The following NR4A1 variants were observed in gnomAD, a reference collection of about 807,000 sequenced individuals.
NR4A1 encodes the protein nuclear receptor subfamily 4immunitygroup A member 1.
A neutral mutation model predicts 47.5 loss-of-function variants in NR4A1; 24 were observed. The ratio of observed to expected loss-of-function variants is 0.50; its 90% CI spans 0.37 to 0.71. The LOEUF (loss-of-function observed/expected upper bound fraction) is 0.71, where lower values mean the gene tolerates loss of function less well. Ranked by LOEUF, NR4A1 falls within the 30% of genes least tolerant of loss-of-function variation. NR4A1 has a pLI of 0.00. For missense variants in NR4A1, 669 were observed against 788.6 expected, an observed-to-expected ratio of 0.85 and a Z score of 1.82; for synonymous variants, 353 against 345.7, an observed-to-expected ratio of 1.02 and a Z score of -0.24.
At position 52,030,701 on chromosome 12, in the gene NR4A1, T is replaced by C. The variant is rs911541784; in HGVS notation, c.-84+7762T>C. On this transcript the variant is annotated intron_variant, in intron 1 of 7. Transcript: ENST00000360284. ...GCCTTGGCCTCCCAAAGTGCTGGGA[T>C]TACAGGCGCGAGCCACCACACCTGG... Among the ~76,000 whole-genome samples, 48 of 152,198 alleles carry C rather than the reference T, an allele frequency of 3.2e-4. 1 individual carries two copies. Among genetic ancestry groups the C allele is most frequent in the African/African-American group, 1.1e-3 (45 of 41,444 alleles).
At chr12:52,039,363 G>T (rs1938355033) in intron 1 of NR4A1, among the ~76,000 whole-genome samples, 1 of 152,228 alleles carries the variant, frequency 6.6e-6, no homozygotes, top group Non-Finnish European at 1.5e-5. Flanking sequence ...GTTGCAAGGG[G>T]CAGTTTATTA....
At chr12:52,057,026 G>A (rs1306888902) in intron 4 of NR4A1, 31 bp from the exon 5 acceptor site, 1 of 1,554,500 alleles carries the variant, frequency 6.4e-7, no homozygotes, top group South Asian at 1.2e-5. Context: ...AGCCTGCCTG[G>A]GGTGCTGACC....
chr12:52,048,133 G>C (rs749142897), upstream of NR4A1, among the ~76,000 whole-genome samples: 48 of 151,450 alleles, frequency 3.2e-4, 1 homozygote, highest in African/African-American at 1.1e-3. Context: ...TAGCCTGGGC[G>C]ACAGCACCAT....
chr12:52,043,657 C>T, intron 2 of NR4A1: 5 of 1,187,932 alleles, frequency 4.2e-6, no homozygotes, highest in Non-Finnish European at 5.3e-6. Flanking sequence ...CTCCCCCCAT[C>T]CCCAGAGGCC....
rs775895244 is a variant in NR4A1, at chr12:52,054,811, C to T, written c.483C>T (p.Phe161=). 6.2e-7 allele frequency: 1 copy of T among 1,613,386 alleles called. No individual in the cohort carries two copies. Among genetic ancestry groups the T allele is most frequent in the East Asian group, 2.2e-5 (1 of 44,894 alleles). The change falls in exon 2 of 7, where the codon TTC becomes TTT. Residue 161 remains phenylalanine, a synonymous_variant. Transcript: ENST00000394825. ...CCTGGGATGGCTCCTTCGGCCACTT[C>T]TCGCCCAGCCAGACTTACGAAGGCC... The part of the protein sequence containing the change: ...LSPWDGSFGH[F]SPSQTYEGLR...
At chr12:52,056,196 A>G (rs757117575) in intron 3 of NR4A1, 37 bp downstream of exon 3, 1 of 1,557,098 alleles carries the variant, frequency 6.4e-7, no homozygotes, top group East Asian at 2.3e-5. Flanking sequence ...GGGCAAGGGT[A>G]GGCTTGAGTG....
chr12:52,031,976 A>G (rs1469617836), intron 1 of NR4A1, among the ~76,000 whole-genome samples: 2 of 151,984 alleles, frequency 1.3e-5, no homozygotes, highest in East Asian at 3.9e-4. Flanking sequence ...TTGTATTTTT[A>G]GTAGAGACGG....
At position 52,035,207 on chromosome 12, in the gene NR4A1, A is replaced by G. The variant is rs77532520; in HGVS notation, c.-83-6603A>G. Among the ~76,000 whole-genome samples the G allele has an allele frequency of 5.2e-3, 788 of 152,256 alleles. 12 individuals carry two copies. Among genetic ancestry groups the G allele is most frequent in the African/African-American group, 0.018 (737 of 41,540 alleles). ...ACCTCTAGAGACTGCTTCTTCCACC[A>G]TCTCACGCCGCCTCCACATGCCACC... On this transcript the variant is annotated intron_variant, in intron 1 of 7. Transcript: ENST00000360284.
At chr12:52,055,354 C>T in intron 2 of NR4A1, 150 bp downstream of exon 2, 1 of 970,504 alleles carries the variant, frequency 1.0e-6, no homozygotes, top group Non-Finnish European at 1.5e-6. Flanking sequence ...GGCCGCCTTC[C>T]TGGAGACCCG....
In NR4A1 at chr12:52,054,737, T is replaced by C. The variant is rs759966232; in HGVS notation, c.409T>C (p.Ser137Pro). ...CTCTGACTACTATGGCAGCCCCTGCTCGGCCCCGTCGCCCTCCACGCCCAG... is the reference window on the plus strand; with the variant it reads ...CTCTGACTACTATGGCAGCCCCTGCCCGGCCCCGTCGCCCTCCACGCCCAG... The part of the protein sequence containing the change: ...SGSDYYGSPC[S>P]APSPSTPSFQ... Residue 137 changes from serine to proline, a missense_variant, in exon 2 of 7, where the codon TCG (serine) becomes CCG (proline). Physicochemically the swap from Ser to Pro is moderately conservative, Grantham distance 74. Coordinates refer to ENST00000394825, the MANE Select transcript of NR4A1 (RefSeq NM_173157.3). The C allele has an allele frequency of 5.0e-6, 8 of 1,612,756 alleles. No individual in the cohort carries two copies. In the South Asian group the frequency reaches 8.8e-5, roughly 18 times the overall value.
chr12:52,029,941 G>A (rs970847169), intron 1 of NR4A1, among the ~76,000 whole-genome samples: 5 of 152,352 alleles, frequency 3.3e-5, no homozygotes, highest in Admixed American at 1.3e-4. Context: ...GGCTGCCCCA[G>A]TGGCCAGCCC....
chr12:52,028,189 G>A (rs1231251321), intron 1 of NR4A1, among the ~76,000 whole-genome samples: 3 of 104,938 alleles, frequency 2.9e-5, no homozygotes, highest in African/African-American at 1.1e-4. Context: ...GTGACAAAGT[G>A]AGACCCTGTC....
At chr12:52,057,690 T>C (rs138663199) in intron 6 of NR4A1, among the ~76,000 whole-genome samples, 160 bp downstream of exon 6, 305 of 152,262 alleles carry the variant, frequency 2.0e-3, no homozygotes, top group African/African-American at 7.0e-3. Flanking sequence ...GTAGGGACCA[T>C]AGGAATTGCA....
At chr12:52,038,731 A>G in intron 1 of NR4A1, 1 of 764,926 alleles carries the variant, frequency 1.3e-6, no homozygotes, top group South Asian at 1.3e-5. Flanking sequence ...ACAGTATAAA[A>G]TCAAGATTCT....
chr12:52,056,367 T>C (rs1592307974), intron 3 of NR4A1, 127 bp from the exon 4 acceptor site: 1 of 1,432,412 alleles, frequency 7.0e-7, no homozygotes, highest in Non-Finnish European at 9.4e-7. Flanking sequence ...ATAGGGTACC[T>C]TGGATCTCAG....
chr12:52,054,671 C>T lies in NR4A1; in HGVS notation c.343C>T (p.Pro115Ser). Residue 115 changes from proline (P) to serine (S), a missense_variant, in exon 2 of 7, where the codon CCC becomes TCC. By Grantham distance (74) the Pro-to-Ser change is moderately conservative. Transcript: ENST00000394825. ...CCAGGTGTACGGCTGCTACCCCGGC[C>T]CCCTGAGCGGCCCAGTGGATGAGGC... ...DFQVYGCYPG[P>S]LSGPVDEALS... The T allele has an allele frequency of 6.2e-7, 1 of 1,614,082 alleles. No homozygotes were observed.
chr12:52,055,332 C>G, intron 2 of NR4A1, 128 bp downstream of exon 2: 2 of 1,304,602 alleles, frequency 1.5e-6, no homozygotes, highest in Non-Finnish European at 2.1e-6. Flanking sequence ...GTGGGATCAG[C>G]CCTGCCAGGT....
At chr12:52,026,109 G>A (rs1937994017) in intron 1 of NR4A1, among the ~76,000 whole-genome samples, 1 of 152,236 alleles carries the variant, frequency 6.6e-6, no homozygotes, top group Non-Finnish European at 1.5e-5. Flanking sequence ...ATCACACCCT[G>A]TCCCGGGCTC....
intron 1 of NR4A1, among the ~76,000 whole-genome samples, chr12:52,030,711 G>A (rs921871374): frequency 9.9e-5 from 15 of 152,162 alleles, no homozygotes; most frequent in Non-Finnish European, 2.1e-4. Flanking sequence ...TTACAGGCGC[G>A]AGCCACCACA....
Sources: gnomAD v4.1 joint callset for allele counts (sites outside exome capture counted in the v4.1 genomes callset) on GRCh38, gnomAD v4.1.1 for gene constraint, MANE v1.5 for transcripts, NCBI Gene and HGNC (gene_info 2026-07-23, HGNC 2026-07-21) for gene names.